Variants in PACRG observed in about 807,000 individuals in gnomAD.
PACRG encodes parkin coregulated.
A neutral mutation model predicts 29.7 loss-of-function variants in PACRG; 29 were observed. That is an observed-to-expected ratio of 0.98 (90% CI 0.73 to 1.33). The LOEUF (loss-of-function observed/expected upper bound fraction) is 1.33. Among genes scored for constraint, PACRG ranks in the 40% most tolerant of loss-of-function variants. PACRG has a pLI of 0.00. For synonymous variants in PACRG, 116 were observed against 118.7 expected (o/e 0.98, Z 0.15); for missense variants, 279 against 316.2 (o/e 0.88, Z 0.89).
intron 4 of PACRG, among the ~76,000 whole-genome samples, chr6:163,236,600 T>C (rs1782248283): frequency 6.6e-6 from 1 of 152,102 alleles, no homozygotes; most frequent in Non-Finnish European, 1.5e-5. Flanking sequence ...CTCGGGTGAA[T>C]AAAGAGCCAT....
At chr6:162,784,938 A>G (rs1784347606) in intron 1 of PACRG, among the ~76,000 whole-genome samples, 1 of 152,204 alleles carries the variant, frequency 6.6e-6, no homozygotes, top group Non-Finnish European at 1.5e-5. Context: ...AAATCCTTAC[A>G]GGTTTGGAAA....
chr6:163,059,001 C>T (rs1810860434), intron 2 of PACRG, among the ~76,000 whole-genome samples: 1 of 151,854 alleles, frequency 6.6e-6, no homozygotes. Context: ...ATCGCTTGAA[C>T]CCGGGAGGCA....
chr6:163,198,051 C>T (rs759186664), intron 4 of PACRG, among the ~76,000 whole-genome samples: 5 of 152,188 alleles, frequency 3.3e-5, no homozygotes, highest in Non-Finnish European at 5.9e-5. Flanking sequence ...CCCAGGTCCC[C>T]GCTAATCTGT....
At chr6:162,759,658 G>A (rs1021435760) in intron 1 of PACRG, among the ~76,000 whole-genome samples, 6 of 152,144 alleles carry the variant, frequency 3.9e-5, no homozygotes, top group African/African-American at 1.4e-4. Context: ...TACAAGAGAT[G>A]TGTATTCGTT....
At chr6:163,290,930 C>T (rs1299553034) in intron 4 of PACRG, among the ~76,000 whole-genome samples, 1 of 152,188 alleles carries the variant, frequency 6.6e-6, no homozygotes, top group Non-Finnish European at 1.5e-5. Flanking sequence ...TGACTGGCCT[C>T]TTTGCCCCTC....
chr6:162,738,744 G>T (rs1780353435), intron 1 of PACRG, among the ~76,000 whole-genome samples: 2 of 152,268 alleles, frequency 1.3e-5, no homozygotes, highest in Non-Finnish European at 2.9e-5. Flanking sequence ...TGGTTACAAA[G>T]TTGCATGTAT....
chr6:162,944,920 C>T (rs1798896020), intron 2 of PACRG, among the ~76,000 whole-genome samples: 2 of 151,722 alleles, frequency 1.3e-5, no homozygotes, highest in African/African-American at 4.8e-5. Context: ...ACTTATTTAG[C>T]CAAATAATAG....
chr6:163,053,560 A>T (rs1810247972), intron 2 of PACRG, among the ~76,000 whole-genome samples: 1 of 152,196 alleles, frequency 6.6e-6, no homozygotes, highest in African/African-American at 2.4e-5. Flanking sequence ...TAAACCCTAA[A>T]TGATTTCTAG....
At chr6:163,106,402 A>G (rs568857976) in intron 4 of PACRG, among the ~76,000 whole-genome samples, 76 of 152,310 alleles carry the variant, frequency 5.0e-4, no homozygotes, top group African/African-American at 1.8e-3. Flanking sequence ...AGTTTCTTCC[A>G]AAGTTATTTT....
At chr6:162,770,842 C>T (rs865826561) in intron 1 of PACRG, among the ~76,000 whole-genome samples, 14 of 152,056 alleles carry the variant, frequency 9.2e-5, no homozygotes, top group Non-Finnish European at 1.8e-4. Flanking sequence ...GATGTGACTG[C>T]ATGTTGGTAA....
chr6:162,879,928 G>A lies in PACRG; in HGVS notation c.291+65647G>A, dbSNP rs190196904. On this transcript the variant is annotated intron_variant, in intron 2 of 4. Coordinates refer to ENST00000366888, the MANE Select transcript of PACRG (RefSeq NM_001080379.2). Reference sequence around the variant, plus strand: ...TCTCTCAAAAAGCATCTGTGAGAATGTGTGAGGGGATATATTTTTTAGGTA... The same window carrying A: ...TCTCTCAAAAAGCATCTGTGAGAATATGTGAGGGGATATATTTTTTAGGTA... 2.0e-3 allele frequency among the ~76,000 whole-genome samples: 309 copies of A among 152,362 alleles called. 1 individual carries two copies. The highest frequency in any genetic ancestry group is 7.1e-3 in the African/African-American group (295 of 41,588).
intron 2 of PACRG, among the ~76,000 whole-genome samples, chr6:162,884,734 T>C (rs1794188239): frequency 6.6e-6 from 1 of 152,132 alleles, no homozygotes; most frequent in African/African-American, 2.4e-5. Context: ...GTCTCTTCTG[T>C]GGAGTGATAC....
chr6:162,805,398 CCTTCAGTGAGT>C (rs1786236389), intron 1 of PACRG, among the ~76,000 whole-genome samples: 1 of 152,090 alleles, frequency 6.6e-6, no homozygotes, highest in African/African-American at 2.4e-5. Flanking sequence ...ATCATCTGAG[CCTTCAGTGAGT>C]CTTAGTCTTT....
At chr6:162,903,626 C>A (rs1795724686) in intron 2 of PACRG, among the ~76,000 whole-genome samples, 2 of 152,166 alleles carry the variant, frequency 1.3e-5, no homozygotes, top group Non-Finnish European at 2.9e-5. Context: ...CCCCATGAGT[C>A]AGTTATCTCC....
intron 4 of PACRG, among the ~76,000 whole-genome samples, chr6:163,162,361 C>T (rs190536766): frequency 2.6e-5 from 4 of 152,332 alleles, no homozygotes; most frequent in East Asian, 1.9e-4. Context: ...TGAAATCACG[C>T]GGGACGTTTT....
chr6:163,205,586 A>G (rs919427169), intron 4 of PACRG, among the ~76,000 whole-genome samples: 1 of 152,230 alleles, frequency 6.6e-6, no homozygotes, highest in Non-Finnish European at 1.5e-5. Context: ...ACTTAAATGT[A>G]AAACCTAAAA....
chr6:162,773,639 C>G (rs566884581), intron 1 of PACRG, among the ~76,000 whole-genome samples: 24 of 151,054 alleles, frequency 1.6e-4, no homozygotes, highest in Admixed American at 5.9e-4. Flanking sequence ...CTCAGCCTCC[C>G]GAGTAGCTGG....
intron 2 of PACRG, among the ~76,000 whole-genome samples, chr6:162,842,552 T>C (rs1260615390): frequency 1.5e-4 from 23 of 150,224 alleles, no homozygotes; most frequent in African/African-American, 4.7e-4. Flanking sequence ...CTTTATCCAA[T>C]TTGCCAGTCT....
Position 162,814,263 on chromosome 6 carries a change from A to C in PACRG, c.273A>C (p.Gly91=). The C allele has an allele frequency of 6.2e-7, 1 of 1,613,632 alleles. No individual in the cohort carries two copies. The highest frequency in any genetic ancestry group is 8.5e-7 in the Non-Finnish European group (1 of 1,179,674). The change falls in exon 2 of 5, where the codon GGA becomes GGC. Residue 91 remains glycine, a synonymous_variant. Coordinates refer to ENST00000366888, the MANE Select transcript of PACRG (RefSeq NM_001080379.2). ...TTGCCCTTGAGCATGATTCGAAAGG[A>C]AACAAAATCGCCTGGAAGGTAAGTC... The part of the protein sequence containing the change: ...FPIALEHDSK[G]NKIAWKVEIE...
Sources: gnomAD v4.1 joint callset for allele counts (sites outside exome capture counted in the v4.1 genomes callset) on GRCh38, gnomAD v4.1.1 for gene constraint, MANE v1.5 for transcripts, NCBI Gene and HGNC (gene_info 2026-07-23, HGNC 2026-07-21) for gene names.